Variants in FREM3 observed in about 807,000 individuals in gnomAD.
The protein encoded by FREM3 is FRAS1-related extracellular matrix protein 3.
A neutral mutation model predicts 129.1 loss-of-function variants in FREM3; 105 were observed. The ratio of observed to expected loss-of-function variants is 0.81; its 90% CI spans 0.69 to 0.96. The LOEUF (loss-of-function observed/expected upper bound fraction) is 0.96. FREM3 is among the 40% of genes least tolerant of loss of function. The pLI is 0.00. For missense variants in FREM3, 2,593 were observed against 2,666.3 expected (o/e 0.97, Z 0.61); for synonymous variants, 1,014 against 1,044.9 (o/e 0.97, Z 0.57).
At chr4:143,622,491 A>T (rs1415756178) in intron 4 of FREM3, among the ~76,000 whole-genome samples, 2 of 149,640 alleles carry the variant, frequency 1.3e-5, no homozygotes, top group African/African-American at 2.5e-5. Context: ...TTGTATATTA[A>T]TTTTTTTCTT....
chr4:143,648,274 G>C (rs1303550674), intron 2 of FREM3, among the ~76,000 whole-genome samples: 2 of 152,212 alleles, frequency 1.3e-5, no homozygotes, highest in African/African-American at 4.8e-5. Context: ...AGGCTCTTAG[G>C]CAGAAGGGAT....
intron 6 of FREM3, among the ~76,000 whole-genome samples, chr4:143,595,796 A>G (rs574780178): frequency 7.9e-5 from 12 of 151,888 alleles, no homozygotes; most frequent in African/African-American, 1.9e-4. Context: ...GCTGAGGCAG[A>G]AGAATGGCGT....
Position 143,700,659 on chromosome 4 carries a change from C to G in FREM3, c.17G>C (p.Arg6Pro). Reference protein sequence around the residue: MAGASRHPTGTPRQLL... With the variant: MAGASPHPTGTPRQLL... ...CTGCCGGGGCGTCCCAGTCGGGTGCCGAGAAGCCCCCGCCATGGCCACGGA... is the reference window on the plus strand; with the variant it reads ...CTGCCGGGGCGTCCCAGTCGGGTGCGGAGAAGCCCCCGCCATGGCCACGGA... The change falls in exon 1 of 8, where the codon CGG (arginine) becomes CCG (proline). Residue 6 changes from arginine (R) to proline (P), a missense_variant. Arg to Pro is a moderately radical substitution (Grantham distance 103). Around this residue, in one of 2 missense-constraint regions of FREM3, gnomAD observed 2,276 missense variants for 2,267.2 expected, o/e 1.00. Coordinates refer to ENST00000329798, the MANE Select transcript of FREM3 (RefSeq NM_001168235.2). 7.0e-7 allele frequency: 1 copy of G among 1,426,432 alleles called. No homozygotes were observed. Among genetic ancestry groups the G allele is most frequent in the East Asian group, 2.6e-5 (1 of 38,304 alleles). 88.4% of individuals were successfully genotyped at this position (1,426,432 alleles called of 1,614,324 possible).
At chr4:143,595,889 G>GGAAAAAAAAAAAAAAAA (rs750809003) in intron 6 of FREM3, among the ~76,000 whole-genome samples, 6 of 110,672 alleles carry the variant, frequency 5.4e-5, no homozygotes, top group Admixed American at 9.9e-5. Flanking sequence ...CGCCATCTCA[G>GGAAAAAAAAAAAAAAAA]AAAAAAAAAA....
At chr4:143,602,863 G>T (rs1159605997) in intron 6 of FREM3, among the ~76,000 whole-genome samples, 1 of 152,158 alleles carries the variant, frequency 6.6e-6, no homozygotes, top group Non-Finnish European at 1.5e-5. Flanking sequence ...AAAATGGGTT[G>T]CCTGTTTCTA....
rs796696513 is a variant in FREM3 at position 143,652,419 on chromosome 4, C to T, written c.5276-24659G>A. Among the ~76,000 whole-genome samples, 22 of 39,902 alleles carry T rather than the reference C, an allele frequency of 5.5e-4. 3 individuals are homozygous for T. The highest frequency in any genetic ancestry group is 1.1e-3 in the African/African-American group (20 of 18,164). The allele number at this position is 39,902 out of a possible 152,430, so 26.2% of individuals were successfully genotyped here. A position where few individuals can be genotyped will look rare whatever the true frequency, so the allele number is the denominator to read the frequency against. On this transcript the variant is annotated intron_variant, in intron 2 of 7. Coordinates refer to ENST00000329798, the MANE Select transcript of FREM3 (RefSeq NM_001168235.2). ...CCTCATGATCCACCCGCCTCGGCCTCCCAAAGTGCTGGGATTACAGGCGTG... is the reference window on the plus strand; with the variant it reads ...CCTCATGATCCACCCGCCTCGGCCTTCCAAAGTGCTGGGATTACAGGCGTG...
chr4:143,691,450 C>T (rs1429146958), intron 2 of FREM3, among the ~76,000 whole-genome samples: 1 of 152,052 alleles, frequency 6.6e-6, no homozygotes, highest in Non-Finnish European at 1.5e-5. Flanking sequence ...CTTGTCAAAA[C>T]CTTGATTCTA....
At position 143,697,430 on chromosome 4, in the gene FREM3, T is replaced by G; in HGVS notation, c.3246A>C (p.Glu1082Asp). ...VFVGESFIVYEGEKNSLTLQH... is the reference protein window; with the variant it reads ...VFVGESFIVYDGEKNSLTLQH... ...GTAAGGTCAAGGAGTTCTTCTCACC[T>G]TCATAGACAATGAAGGACTCCCCGA... The change falls in exon 1 of 8, where the codon GAA (glutamate) becomes GAC (aspartate). Residue 1082 changes from glutamate to aspartate, a missense_variant. Coordinates refer to ENST00000329798, the MANE Select transcript of FREM3 (RefSeq NM_001168235.2). The G allele has an allele frequency of 5.2e-6, 8 of 1,537,202 alleles. No homozygotes were observed. Among genetic ancestry groups the G allele is most frequent in the Non-Finnish European group, 7.0e-6 (8 of 1,146,890 alleles).
chr4:143,683,085 C>A (rs542409922), intron 2 of FREM3, among the ~76,000 whole-genome samples: 2 of 152,120 alleles, frequency 1.3e-5, no homozygotes, highest in Non-Finnish European at 2.9e-5. Flanking sequence ...CTGGAAAAGG[C>A]CAGGAAATGG....
intron 2 of FREM3, among the ~76,000 whole-genome samples, chr4:143,674,222 G>GT (rs1260247161): frequency 2.0e-5 from 3 of 152,220 alleles, no homozygotes; most frequent in African/African-American, 7.2e-5. Flanking sequence ...CCGGAAGAGA[G>GT]TGGGGGCCAA....
intron 6 of FREM3, among the ~76,000 whole-genome samples, chr4:143,595,037 A>G (rs936159763): frequency 6.6e-6 from 1 of 152,256 alleles, no homozygotes; most frequent in African/African-American, 2.4e-5. Flanking sequence ...GGAAAAATAA[A>G]TATGACAAGG....
intron 5 of FREM3, among the ~76,000 whole-genome samples, chr4:143,612,783 G>A (rs1370841930): frequency 6.6e-6 from 1 of 152,152 alleles, no homozygotes; most frequent in African/African-American, 2.4e-5. Context: ...CCAGATTTAG[G>A]CAGAACAAAG....
intron 2 of FREM3, among the ~76,000 whole-genome samples, chr4:143,651,153 G>C (rs1320371511): frequency 6.6e-6 from 1 of 152,090 alleles, no homozygotes; most frequent in African/African-American, 2.4e-5. Flanking sequence ...AGAAACAATG[G>C]GATTCCTGAG....
At chr4:143,614,681 C>G (rs12502068) in intron 5 of FREM3, among the ~76,000 whole-genome samples, 1 of 152,022 alleles carries the variant, frequency 6.6e-6, no homozygotes, top group Non-Finnish European at 1.5e-5. Flanking sequence ...AGGGTTAGAA[C>G]CAAAGATTCA....
At position 143,698,328 on chromosome 4, in the gene FREM3, T is replaced by G. The variant is rs912510973; in HGVS notation, c.2348A>C (p.His783Pro). 1 of 1,537,874 alleles carries G rather than the reference T, an allele frequency of 6.5e-7. No individual in the cohort carries two copies. Among genetic ancestry groups the G allele is most frequent in the Admixed American group, 2.0e-5 (1 of 51,006 alleles). ...MHFTQAQVNQ[H>P]KVAYQPPQKL... is the part of the protein sequence containing the mutation. ...CTGTGGAGGCTGGTAGGCAACTTTA[T>G]GCTGATTTACCTGGGCTTGGGTAAA... The change falls in exon 1 of 8, where the codon CAT (histidine) becomes CCT (proline). Residue 783 changes from histidine to proline, a missense_variant. Around this residue, in one of 2 missense-constraint regions of FREM3, gnomAD observed 2,276 missense variants for 2,267.2 expected, o/e 1.00. Transcript: ENST00000329798.
chr4:143,693,465 T>C (rs1322357279), intron 1 of FREM3, among the ~76,000 whole-genome samples: 2 of 152,214 alleles, frequency 1.3e-5, no homozygotes, highest in East Asian at 3.9e-4. Context: ...CTGGGTGAGA[T>C]TGTAGAGAAA....
rs1196176426 is a variant in FREM3 at position 143,697,240 on chromosome 4, C to G, written c.3436G>C (p.Val1146Leu). The change falls in exon 1 of 8, where the codon GTG (valine) becomes CTG (leucine). Residue 1146 changes from valine (V) to leucine (L), a missense_variant. By Grantham distance (32) the Val-to-Leu change is conservative. This residue lies in a region of FREM3 where 2,276 missense variants were observed against 2,267.2 expected (regional missense o/e 1.00). Transcript: ENST00000329798. ...ISAFSLRDIQ[V>L]RHINYVQSIH... is the part of the protein sequence containing the mutation. ...CTCTGTACATAATTGATATGCCTCA[C>G]TTGGATATCTCTGAGGGAGAAAGCA... The G allele has an allele frequency of 5.9e-6, 9 of 1,537,618 alleles. No individual in the cohort carries two copies. In the South Asian group the frequency reaches 1.1e-4, roughly 18 times the overall value.
intron 2 of FREM3, among the ~76,000 whole-genome samples, chr4:143,652,654 A>G (rs1294775345): frequency 2.6e-5 from 4 of 152,152 alleles, no homozygotes; most frequent in African/African-American, 9.7e-5. Context: ...TTTTCTTCAG[A>G]CAGAGTCTGG....
intron 2 of FREM3, among the ~76,000 whole-genome samples, chr4:143,635,445 G>A (rs1739217225): frequency 6.6e-6 from 1 of 152,132 alleles, no homozygotes; most frequent in Non-Finnish European, 1.5e-5. Flanking sequence ...TAATTCCTTT[G>A]TGATGGTAGC....
Sources: gnomAD v4.1 joint callset for allele counts (sites outside exome capture counted in the v4.1 genomes callset) on GRCh38, gnomAD v4.1.1 for gene constraint, gnomAD v4.1.1 regional missense constraint, MANE v1.5 for transcripts, NCBI Gene and HGNC (gene_info 2026-07-23, HGNC 2026-07-21) for gene names.